The following MSRB3 variants were observed in gnomAD, a reference collection of about 807,000 sequenced individuals.
MSRB3 encodes the protein methionine sulfoxide reductase B3.
MSRB3 carries 13 observed loss-of-function variants against 21.0 expected under a neutral mutation model. That is an observed-to-expected ratio of 0.62 (90% CI 0.40 to 0.98). MSRB3 has a LOEUF of 0.98. Ranked by LOEUF, MSRB3 falls within the 50% of genes least tolerant of loss-of-function variation. The pLI is 0.00. For missense variants in MSRB3, 199 were observed against 230.3 expected (o/e 0.86, Z 0.88); for synonymous variants, 87 against 88.6 (o/e 0.98, Z 0.10).
chr12:65,381,802 A>G (rs1438101476), intron 5 of MSRB3, among the ~76,000 whole-genome samples: 1 of 152,044 alleles, frequency 6.6e-6, no homozygotes, highest in Non-Finnish European at 1.5e-5. Flanking sequence ...TCTATGTTTT[A>G]GATATTCAAG....
intron 4 of MSRB3, among the ~76,000 whole-genome samples, chr12:65,340,541 T>C (rs1463423224): frequency 6.6e-6 from 1 of 152,076 alleles, no homozygotes; most frequent in African/African-American, 2.4e-5. Flanking sequence ...TATCTTATTA[T>C]ATCACACTGC....
intron 4 of MSRB3, 52 bp downstream of exon 4, chr12:65,328,655 C>G (rs1875215005): frequency 8.6e-7 from 1 of 1,160,084 alleles, no homozygotes; most frequent in Non-Finnish European, 1.3e-6. Context: ...TGGCAGCAAA[C>G]TAGTTATTGC....
intron 5 of MSRB3, among the ~76,000 whole-genome samples, chr12:65,438,140 T>C (rs373259868): frequency 8.6e-5 from 13 of 151,960 alleles, no homozygotes; most frequent in Admixed American, 7.9e-4. Context: ...TGAAAAATTC[T>C]TTCTGATACA....
chr12:65,454,733 C>T (rs954741722), intron 6 of MSRB3, among the ~76,000 whole-genome samples: 6 of 152,164 alleles, frequency 3.9e-5, no homozygotes, highest in African/African-American at 1.4e-4. Flanking sequence ...TTAGTTCTGT[C>T]CATCTGCTTT....
intron 6 of MSRB3, among the ~76,000 whole-genome samples, chr12:65,457,303 G>A (rs1405392687): frequency 1.3e-5 from 2 of 152,036 alleles, no homozygotes; most frequent in East Asian, 3.9e-4. Context: ...CACGTGCCAT[G>A]GTGGTTTGCT....
chr12:65,391,798 A>G (rs1879497526), intron 5 of MSRB3, among the ~76,000 whole-genome samples: 1 of 152,202 alleles, frequency 6.6e-6, no homozygotes, highest in African/African-American at 2.4e-5. Context: ...AGTTATCAAT[A>G]TAATTGTTGA....
intron 1 of MSRB3, among the ~76,000 whole-genome samples, chr12:65,290,870 A>T (rs555380962): frequency 2.6e-5 from 4 of 152,066 alleles, no homozygotes; most frequent in Admixed American, 6.6e-5. Flanking sequence ...GCTAATCAGA[A>T]CTCCTTTTCA....
intron 5 of MSRB3, among the ~76,000 whole-genome samples, chr12:65,449,282 C>T (rs887813586): frequency 6.6e-6 from 1 of 151,622 alleles, no homozygotes; most frequent in African/African-American, 2.4e-5. Context: ...CATGATCCAC[C>T]CCCCCAGAGT....
rs139066056 is a variant in MSRB3, at chr12:65,406,332, T to C, written c.292+37306T>C. Among the ~76,000 whole-genome samples, 503 of 152,310 alleles carry C rather than the reference T, an allele frequency of 3.3e-3. 5 individuals carry two copies. The highest frequency in any genetic ancestry group is 0.011 in the African/African-American group (468 of 41,568). Reference sequence around the variant, plus strand: ...ATCCAAAAAGAAATCAAGAAAACTATCCCATTTGCCATAGCTACTAAAAAG... The same window carrying C: ...ATCCAAAAAGAAATCAAGAAAACTACCCCATTTGCCATAGCTACTAAAAAG... On this transcript the variant is annotated intron_variant, in intron 5 of 6. Coordinates refer to ENST00000308259, the MANE Select transcript of MSRB3 (RefSeq NM_001031679.3).
chr12:65,329,770 T>C (rs1875291621), intron 4 of MSRB3, among the ~76,000 whole-genome samples: 3 of 152,168 alleles, frequency 2.0e-5, no homozygotes, highest in African/African-American at 7.2e-5. Context: ...TCCATAAATG[T>C]TTCTCTTTTA....
At chr12:65,371,873 C>CAAA (rs1280226053) in intron 5 of MSRB3, among the ~76,000 whole-genome samples, 2 of 152,050 alleles carry the variant, frequency 1.3e-5, no homozygotes, top group African/African-American at 4.8e-5. Context: ...AGCAAATCCT[C>CAAA]AACCTCCTGT....
intron 1 of MSRB3, among the ~76,000 whole-genome samples, chr12:65,296,354 T>C (rs1309104151): frequency 6.6e-6 from 1 of 152,214 alleles, no homozygotes; most frequent in Non-Finnish European, 1.5e-5. Flanking sequence ...TCTTTTAAAC[T>C]TCGTCTTACT....
chr12:65,352,977 A>G (rs1173611023), intron 4 of MSRB3, among the ~76,000 whole-genome samples: 2 of 152,050 alleles, frequency 1.3e-5, no homozygotes, highest in African/African-American at 4.8e-5. Context: ...TAAAGTTCAT[A>G]TGGAACCAAA....
chr12:65,383,313 T>C (rs1879040532), intron 5 of MSRB3, among the ~76,000 whole-genome samples: 1 of 152,180 alleles, frequency 6.6e-6, no homozygotes, highest in Non-Finnish European at 1.5e-5. Context: ...CAGAAATAAC[T>C]CTTGGTGTAG....
At chr12:65,411,923 G>T (rs1404281123) in intron 5 of MSRB3, among the ~76,000 whole-genome samples, 1 of 151,474 alleles carries the variant, frequency 6.6e-6, no homozygotes, top group Non-Finnish European at 1.5e-5. Flanking sequence ...GCTTGAAAAA[G>T]GAACATAAAA....
intron 6 of MSRB3, among the ~76,000 whole-genome samples, chr12:65,461,658 C>T (rs1001198034): frequency 2.6e-5 from 4 of 152,098 alleles, no homozygotes; most frequent in African/African-American, 9.7e-5. Flanking sequence ...TTGTAATGAG[C>T]ACTTTCTCTC....
Position 65,463,950 on chromosome 12 carries a change from G to T in MSRB3, c.*628G>T, listed in dbSNP as rs550110564. On this transcript the variant is annotated 3_prime_UTR_variant, in exon 7 of 7. Coordinates refer to ENST00000308259, the MANE Select transcript of MSRB3 (RefSeq NM_001031679.3). The stretch of plus-strand genomic sequence containing the variant: ...GCAGAGAAGTAAACATTACCACACT[G>T]TTAGGCCTTTATTTTATTTTATTTT... 6.5e-6 allele frequency: 1 copy of T among 152,764 alleles called. No homozygotes were observed. The highest frequency in any genetic ancestry group is 6.5e-5 in the Admixed American group (1 of 15,338). The allele number at this position is 152,764 out of a possible 1,614,324, so 9.5% of individuals were successfully genotyped here.
chr12:65,378,054 A>G (rs1272006862), intron 5 of MSRB3, among the ~76,000 whole-genome samples: 1 of 152,212 alleles, frequency 6.6e-6, no homozygotes, highest in East Asian at 1.9e-4. Context: ...TTTTTTTATG[A>G]TAAGCCACTA....
intron 3 of MSRB3, 62 bp from the exon 4 acceptor site, chr12:65,328,463 CA>C (rs1200838351): frequency 1.7e-6 from 2 of 1,162,104 alleles, no homozygotes; most frequent in Admixed American, 1.7e-5. Flanking sequence ...ATATTTTAAG[CA>C]AATACATTCT....
Sources: allele counts gnomAD v4.1 joint callset (sites outside exome capture counted in the v4.1 genomes callset), GRCh38; gene constraint gnomAD v4.1.1; transcripts MANE v1.5; gene names NCBI Gene and HGNC (gene_info 2026-07-23, HGNC 2026-07-21).